Variants in IRAK1BP1 observed in about 807,000 individuals in gnomAD.
The protein encoded by IRAK1BP1 is interleukin 1 receptor associated kinase 1 binding protein 1, also known as interleukin-1 receptor-associated kinase 1-binding protein 1.
Under a neutral mutation model 28.0 loss-of-function variants are expected in IRAK1BP1, and 24 were observed. The observed-to-expected ratio is 0.86, with a 90% CI of 0.62 to 1.20. The LOEUF (loss-of-function observed/expected upper bound fraction) is 1.20, where lower values mean the gene tolerates loss of function less well. IRAK1BP1 is among the 50% of genes most tolerant of loss of function. The probability of loss-of-function intolerance (pLI) is 0.00; values close to 1 mark genes in which losing one functional copy is unlikely to be tolerated. For missense variants in IRAK1BP1, 336 were observed against 316.7 expected (o/e 1.06, Z -0.46); for synonymous variants, 131 against 116.3 (o/e 1.13, Z -0.81).
At chr6:78,939,792 C>T (rs781122543) in intron 4 of IRAK1BP1, 1 of 152,274 alleles carries the variant, frequency 6.6e-6, no homozygotes, top group Non-Finnish European at 1.5e-5. Context: ...TCCTCTAGAA[C>T]ATCTCTGTCA....
downstream of IRAK1BP1, chr6:78,946,883 GAAA>G: frequency 1.5e-6 from 2 of 1,310,554 alleles, no homozygotes; most frequent in Non-Finnish European, 2.0e-6. Context: ...ATCTGTGAGG[GAAA>G]AAAAAAAGTG....
the IRAK1BP1 span, among the ~76,000 whole-genome samples, chr6:78,972,866 A>C: frequency 2.1e-3 from 318 of 152,312 alleles, 1 homozygote; most frequent in African/African-American, 6.7e-3. Flanking sequence ...CCTCCAAGAA[A>C]TATAGGACTA....
chr6:78,915,845 T>A (rs1381140590), intron 4 of IRAK1BP1, among the ~76,000 whole-genome samples: 1 of 152,204 alleles, frequency 6.6e-6, no homozygotes, highest in Non-Finnish European at 1.5e-5. Flanking sequence ...TTGAAGGACA[T>A]GGACAAACCC....
the IRAK1BP1 span, chr6:78,978,737 T>C: frequency 1.9e-6 from 3 of 1,562,348 alleles, no homozygotes; most frequent in Non-Finnish European, 2.6e-6. Flanking sequence ...TAATAATTGT[T>C]AAGTAATAAT....
the IRAK1BP1 span, chr6:78,963,371 A>C: frequency 2.9e-6 from 2 of 682,056 alleles, 1 homozygote; most frequent in East Asian, 6.7e-5. Context: ...ATTTGTAAAT[A>C]TACTCTTTAT....
chr6:78,964,163 T>TAA, the IRAK1BP1 span, among the ~76,000 whole-genome samples: 1 of 152,166 alleles, frequency 6.6e-6, no homozygotes, highest in Non-Finnish European at 1.5e-5. Flanking sequence ...CCATGTAACA[T>TAA]GGTTACCAAT....
At chr6:78,882,763 A>G (rs1028474667) in intron 1 of IRAK1BP1, among the ~76,000 whole-genome samples, 11 of 152,180 alleles carry the variant, frequency 7.2e-5, no homozygotes, top group African/African-American at 2.7e-4. Context: ...TAAAAAGGAC[A>G]TTTAATAGAA....
At chr6:78,946,356 T>G in exon 5 of IRAK1BP1, 1 of 1,418,204 alleles carries the variant, frequency 7.1e-7, no homozygotes, top group Non-Finnish European at 9.4e-7. Context: ...TGTACTATTA[T>G]GAAATATGTT....
intron 1 of IRAK1BP1, among the ~76,000 whole-genome samples, chr6:78,878,797 A>C (rs1464780513): frequency 6.6e-6 from 1 of 152,240 alleles, no homozygotes; most frequent in Non-Finnish European, 1.5e-5. Flanking sequence ...GGCGTAGAGA[A>C]GACCTTAAAT....
chr6:78,870,856 C>T (rs1207607676), intron 1 of IRAK1BP1, among the ~76,000 whole-genome samples: 1 of 151,972 alleles, frequency 6.6e-6, no homozygotes, highest in Non-Finnish European at 1.5e-5. Context: ...GGATTACAGG[C>T]GCCTGCCACC....
chr6:78,937,115 A>C (rs1401043175), intron 4 of IRAK1BP1: 1 of 151,804 alleles, frequency 6.6e-6, no homozygotes, highest in African/African-American at 2.4e-5. Context: ...GAACACTTAC[A>C]GTCCTTTAAT....
intron 4 of IRAK1BP1, among the ~76,000 whole-genome samples, chr6:78,933,569 C>T (rs1026160256): frequency 6.6e-6 from 1 of 152,012 alleles, no homozygotes; most frequent in Non-Finnish European, 1.5e-5. Flanking sequence ...GAGCTGAGAT[C>T]GCACTTTTGC....
chr6:78,948,984 C>G (rs114247321), downstream of IRAK1BP1, among the ~76,000 whole-genome samples: 221 of 152,184 alleles, frequency 1.5e-3, no homozygotes, highest in African/African-American at 4.9e-3. Flanking sequence ...ATTTCCTTTT[C>G]TTGCCTTATT....
the IRAK1BP1 span, among the ~76,000 whole-genome samples, chr6:78,960,942 TCA>T: frequency 6.6e-6 from 1 of 152,106 alleles, no homozygotes; most frequent in Non-Finnish European, 1.5e-5. Context: ...AAATAACTGG[TCA>T]CAAAAACTTT....
intron 1 of IRAK1BP1, among the ~76,000 whole-genome samples, chr6:78,882,502 G>A (rs1170387945): frequency 6.6e-6 from 1 of 152,142 alleles, no homozygotes. Context: ...TGGATACCAT[G>A]TACTGCCTGA....
At chr6:78,965,598 AT>A in the IRAK1BP1 span, 1 of 672,190 alleles carries the variant, frequency 1.5e-6, no homozygotes, top group Non-Finnish European at 2.6e-6. Flanking sequence ...AATGTTTTCT[AT>A]TTGATACTCA....
At chr6:78,975,832 T>C in the IRAK1BP1 span, among the ~76,000 whole-genome samples, 1,511 of 149,512 alleles carry the variant, frequency 0.01, 21 homozygotes, top group Middle Eastern at 0.05. Context: ...GTGAAGGACC[T>C]CTTCAAGGAG....
intron 4 of IRAK1BP1, among the ~76,000 whole-genome samples, chr6:78,924,401 G>T (rs1772829487): frequency 6.6e-6 from 1 of 152,066 alleles, no homozygotes. Flanking sequence ...GCAATAACAG[G>T]CTCTGAAATT....
intron 4 of IRAK1BP1, among the ~76,000 whole-genome samples, chr6:78,919,565 C>T (rs1219121752): frequency 6.6e-6 from 1 of 152,162 alleles, no homozygotes; most frequent in East Asian, 1.9e-4. Flanking sequence ...TTATGAACAT[C>T]TGTATACACA....
Sources: allele counts gnomAD v4.1 joint callset (sites outside exome capture counted in the v4.1 genomes callset), GRCh38; gene constraint gnomAD v4.1.1; transcripts MANE v1.5; gene names NCBI Gene and HGNC (gene_info 2026-07-23, HGNC 2026-07-21).